Variants in PLA2G4D observed in about 807,000 individuals in gnomAD.
PLA2G4D encodes cytosolic phospholipase A2 delta.
In PLA2G4D, 80 loss-of-function variants were observed where a neutral mutation model predicts 94.4. The ratio of observed to expected loss-of-function variants is 0.85; its 90% CI spans 0.71 to 1.02. PLA2G4D has a LOEUF of 1.02. Ranked by LOEUF, PLA2G4D falls within the 50% of genes least tolerant of loss-of-function variation. The pLI is 0.00. For synonymous variants in PLA2G4D, 438 were observed against 440.9 expected (o/e 0.99, Z 0.08); for missense variants, 1,050 against 1,034.7 (o/e 1.01, Z -0.20).
At chr15:42,087,966 G>C (rs1162807530) in intron 1 of PLA2G4D, among the ~76,000 whole-genome samples, 2 of 152,262 alleles carry the variant, frequency 1.3e-5, no homozygotes, top group African/African-American at 4.8e-5. Flanking sequence ...TTCGGGAACA[G>C]AGCAACATGG....
In PLA2G4D at chr15:42,081,387, C is replaced by T. The variant is rs187532966; in HGVS notation, c.957+92G>A. Reference sequence around the variant, plus strand: ...TCTCCACACACATGCCCACTCTCCACTGACTGGAGTTTCTGGAGAGGCATA... The same window carrying T: ...TCTCCACACACATGCCCACTCTCCATTGACTGGAGTTTCTGGAGAGGCATA... On this transcript the variant is annotated intron_variant, in intron 11 of 19. Coordinates refer to ENST00000290472, the MANE Select transcript of PLA2G4D (RefSeq NM_178034.4). 3.1e-4 allele frequency: 472 copies of T among 1,536,454 alleles called. 2 individuals carry two copies. In the East Asian group the frequency reaches 9.1e-3, roughly 29 times the overall value.
At chr15:42,087,596 C>A in intron 2 of PLA2G4D, 32 bp downstream of exon 2, 1 of 1,613,392 alleles carries the variant, frequency 6.2e-7, no homozygotes, top group East Asian at 2.2e-5. Flanking sequence ...GTCCTCCCTG[C>A]TCCCGACAGA....
chr15:42,071,479 C>G lies in PLA2G4D; in HGVS notation c.1646G>C (p.Trp549Ser). 6.2e-7 allele frequency: 1 copy of G among 1,613,838 alleles called. No homozygotes were observed. The highest frequency in any genetic ancestry group is 8.5e-7 in the Non-Finnish European group (1 of 1,179,818). Residue 549 changes from tryptophan (W) to serine (S), a missense_variant, in exon 16 of 20, where the codon TGG becomes TCG. Physicochemically the swap from Trp to Ser is radical, Grantham distance 177 (BLOSUM62 -3). Coordinates refer to ENST00000290472, the MANE Select transcript of PLA2G4D (RefSeq NM_178034.4). ...WYDLTSSGES[W>S]KQHIKDKTRS... is the part of the protein sequence containing the mutation. ...GGTCTTGTCCTTGATGTGCTGTTTC[C>G]AGGACTCCCCAGAACTGGTGAGGTC...
intron 4 of PLA2G4D, 32 bp downstream of exon 4, chr15:42,086,181 G>T: frequency 6.6e-7 from 1 of 1,503,818 alleles, no homozygotes; most frequent in Non-Finnish European, 9.0e-7. Context: ...AAGAAGTGGG[G>T]CCCACGGGGA....
In PLA2G4D at chr15:42,087,642, C is replaced by A. The variant is rs993180470; in HGVS notation, c.104G>T (p.Arg35Leu). 1 of 1,614,158 alleles carries A rather than the reference C, an allele frequency of 6.2e-7. No homozygotes were observed. Among genetic ancestry groups the A allele is most frequent in the Non-Finnish European group, 8.5e-7 (1 of 1,180,028 alleles). ...TVRVLEARNLRWADLLSEADP... is the reference protein window; with the variant it reads ...TVRVLEARNLLWADLLSEADP... ...CGGTTACTCACACAGGTCAGCCCAGCGCAGGTTCCGCGCCTCCAGGACCCT... is the reference window on the plus strand; with the variant it reads ...CGGTTACTCACACAGGTCAGCCCAGAGCAGGTTCCGCGCCTCCAGGACCCT... Residue 35 changes from arginine (R) to leucine (L), a missense_variant, in exon 2 of 20, where the codon CGC (arginine) becomes CTC (leucine). By Grantham distance (102) the Arg-to-Leu change is moderately radical (BLOSUM62 -2). Transcript: ENST00000290472.
intron 9 of PLA2G4D, 105 bp downstream of exon 9, chr15:42,082,174 C>T (rs747794296): frequency 1.2e-4 from 111 of 960,548 alleles, no homozygotes; most frequent in Admixed American, 5.3e-4. Context: ...TCAGGTGATC[C>T]GCCTGCCTTG....
In PLA2G4D at chr15:42,071,247, C is replaced by G. The variant is rs146876607; in HGVS notation, c.1752G>C (p.Ala584=). The G allele has an allele frequency of 7.5e-5, 121 of 1,610,450 alleles. No homozygotes were observed. The African/African-American group carries it at 1.3e-3, about 17-fold the overall frequency. ...LEASWLQPGT[A]LAQAFKGFLT... The stretch of plus-strand genomic sequence containing the variant: ...GGAAGCCTTTAAATGCCTGGGCCAG[C>G]GCCGTGCCTGGCTGCAGCCACGAGG... Residue 584 remains alanine, a synonymous_variant, in exon 17 of 20, where the codon GCG becomes GCC. Coordinates refer to ENST00000290472, the MANE Select transcript of PLA2G4D (RefSeq NM_178034.4).
At chr15:42,073,564 C>T (rs1396482780) in intron 13 of PLA2G4D, among the ~76,000 whole-genome samples, 1 of 152,216 alleles carries the variant, frequency 6.6e-6, no homozygotes, top group Non-Finnish European at 1.5e-5. Context: ...CGTCATCCTT[C>T]CTTTGGGCTC....
In PLA2G4D at chr15:42,079,625, C is replaced by T. The variant is rs139838585; in HGVS notation, c.1229G>A (p.Arg410Gln). The T allele has an allele frequency of 8.7e-6, 14 of 1,611,702 alleles. No homozygotes were observed. In the African/African-American group the frequency reaches 1.5e-4, roughly 17 times the overall value. Reference sequence around the variant, plus strand: ...CTGCTCAGCCCGCAGCTCCAGCTCCCGGCGGTAGCTCGCCAGGCGCTCTGG... The same window carrying T: ...CTGCTCAGCCCGCAGCTCCAGCTCCTGGCGGTAGCTCGCCAGGCGCTCTGG... ...FSPERLASYR[R>Q]ELELRAEQGH... Residue 410 changes from arginine (R) to glutamine (Q), a missense_variant, in exon 13 of 20, where the codon CGG becomes CAG. Transcript: ENST00000290472.
chr15:42,067,701 G>T lies in PLA2G4D; in HGVS notation c.*1014C>A, dbSNP rs954613310. On this transcript the variant is annotated 3_prime_UTR_variant, in exon 20 of 20. Coordinates refer to ENST00000290472, the MANE Select transcript of PLA2G4D (RefSeq NM_178034.4). Reference sequence around the variant, plus strand: ...AATAGAGTACATTAATAAAATACACGACAAAACCACATGATCATGCCCATA... The same window carrying T: ...AATAGAGTACATTAATAAAATACACTACAAAACCACATGATCATGCCCATA... 2 of 151,992 alleles carry T rather than the reference G, an allele frequency of 1.3e-5. No individual in the cohort carries two copies. Among genetic ancestry groups the T allele is most frequent in the Non-Finnish European group, 2.9e-5 (2 of 68,004 alleles). 9.4% of individuals were successfully genotyped at this position (151,992 alleles called of 1,614,324 possible).
Position 42,069,892 on chromosome 15 carries a change from G to C in PLA2G4D, c.2230+17C>G, listed in dbSNP as rs987928228. 7 of 1,399,558 alleles carry C rather than the reference G, an allele frequency of 5.0e-6. No homozygotes were observed. The highest frequency in any genetic ancestry group is 3.7e-6 in the Non-Finnish European group (4 of 1,076,524). 86.7% of individuals were successfully genotyped at this position (1,399,558 alleles called of 1,614,324 possible). A position where few individuals can be genotyped will look rare whatever the true frequency, so the allele number is the denominator to read the frequency against. The stretch of plus-strand genomic sequence containing the variant: ...GAGGGGCCAGGCAGCCTGGGTGCTT[G>C]GGAGGGGCTGCCTCACCGGGGGCTG... On this transcript the variant is annotated intron_variant, in intron 19 of 19. Transcript: ENST00000290472.
intron 4 of PLA2G4D, among the ~76,000 whole-genome samples, chr15:42,085,998 G>A (rs1383800664): frequency 1.3e-5 from 2 of 152,268 alleles, no homozygotes; most frequent in Non-Finnish European, 2.9e-5. Flanking sequence ...TCCTGCCACA[G>A]GTGGCTAAAA....
chr15:42,088,852 A>C (rs1376749213), intron 1 of PLA2G4D, among the ~76,000 whole-genome samples: 3 of 152,180 alleles, frequency 2.0e-5, no homozygotes, highest in Middle Eastern at 3.4e-3. Flanking sequence ...CCAGGAGGGG[A>C]TCCTGCAGGG....
At chr15:42,069,803 T>C (rs12906047) in intron 19 of PLA2G4D, 106 bp downstream of exon 19, 503,336 of 1,071,944 alleles carry the variant, frequency 0.47, 123,132 homozygotes, top group Admixed American at 0.56. Flanking sequence ...GCCTGAAGCC[T>C]TCTCCTGGCA....
At chr15:42,073,055 T>C (rs536189163) in intron 13 of PLA2G4D, among the ~76,000 whole-genome samples, 1 of 152,278 alleles carries the variant, frequency 6.6e-6, no homozygotes, top group Admixed American at 6.5e-5. Flanking sequence ...CAGGCTGGAG[T>C]GCAGTGGTGC....
At chr15:42,069,643 C>T (rs1276707418) in intron 19 of PLA2G4D, among the ~76,000 whole-genome samples, 1 of 152,000 alleles carries the variant, frequency 6.6e-6, no homozygotes, top group Non-Finnish European at 1.5e-5. Flanking sequence ...GCTGGGGGTA[C>T]TAGGGCAAGT....
intron 1 of PLA2G4D, among the ~76,000 whole-genome samples, chr15:42,093,152 C>A (rs1270569304): frequency 6.6e-6 from 1 of 152,206 alleles, no homozygotes; most frequent in Non-Finnish European, 1.5e-5. Context: ...AGAAATGAGG[C>A]TAGGCTAAAC....
intron 1 of PLA2G4D, among the ~76,000 whole-genome samples, chr15:42,092,222 A>C (rs1003742031): frequency 2.0e-5 from 3 of 152,154 alleles, no homozygotes; most frequent in African/African-American, 7.2e-5. Context: ...CATTTTCTAC[A>C]TGAGGGAATT....
intron 4 of PLA2G4D, 33 bp downstream of exon 4, chr15:42,086,180 G>T: frequency 6.7e-7 from 1 of 1,501,638 alleles, no homozygotes; most frequent in Non-Finnish European, 9.0e-7. Context: ...GAAGAAGTGG[G>T]GCCCACGGGG....
Sources: allele counts gnomAD v4.1 joint callset (sites outside exome capture counted in the v4.1 genomes callset), GRCh38; gene constraint gnomAD v4.1.1; transcripts MANE v1.5; gene names NCBI Gene and HGNC (gene_info 2026-07-23, HGNC 2026-07-21).